Variants in PALS2 observed in about 807,000 individuals in gnomAD.
PALS2 encodes the protein protein PALS2.
A neutral mutation model predicts 61.6 loss-of-function variants in PALS2; 27 were observed. The ratio of observed to expected loss-of-function variants is 0.44; its 90% CI spans 0.32 to 0.60. The LOEUF is 0.60. PALS2 is among the 20% of genes least tolerant of loss of function. The pLI is 0.05. For synonymous variants in PALS2, 236 were observed against 218.6 expected, an observed-to-expected ratio of 1.08 and a Z score of -0.70; for missense variants, 554 against 639.4, an observed-to-expected ratio of 0.87 and a Z score of 1.44.
At chr7:24,667,123 G>A (rs143630018) in intron 8 of PALS2, 1 of 152,112 alleles carries the variant, frequency 6.6e-6, no homozygotes, top group African/African-American at 2.4e-5. Context: ...GCTAAGGAAG[G>A]AGTGTTATTA....
rs561055293 is a variant in PALS2, at chr7:24,679,444, T to C, written c.1317+111T>C. On this transcript the variant is annotated intron_variant, in intron 10 of 11. Coordinates refer to ENST00000222644, the MANE Select transcript of PALS2 (RefSeq NM_001303037.2). ...TGTTTGTTTTGTCAGGGTGGAAAGG[T>C]GACTCCCTCCATTACCTTTGGGTGA... The C allele has an allele frequency of 1.2e-5, 12 of 1,020,816 alleles. No individual in the cohort carries two copies. In the African/African-American group the frequency reaches 1.9e-4, roughly 17 times the overall value. The allele number at this position is 1,020,816 out of a possible 1,614,324, so 63.2% of individuals were successfully genotyped here.
At chr7:24,624,143 T>C (rs1342685381) in intron 2 of PALS2, 1 of 1,287,242 alleles carries the variant, frequency 7.8e-7, no homozygotes, top group Non-Finnish European at 1.0e-6. Context: ...TTAGACTGTG[T>C]ACCTACTTTT....
intron 5 of PALS2, among the ~76,000 whole-genome samples, chr7:24,655,756 G>C (rs1266518590): frequency 6.6e-6 from 1 of 151,332 alleles, no homozygotes; most frequent in African/African-American, 2.4e-5. Flanking sequence ...CACCGCCCGG[G>C]TTCAAGTAAT....
intron 8 of PALS2, among the ~76,000 whole-genome samples, chr7:24,666,296 G>C (rs1583977902): frequency 6.6e-6 from 1 of 152,132 alleles, no homozygotes; most frequent in East Asian, 1.9e-4. Flanking sequence ...TATTTTGTGA[G>C]TATAGTTTAC....
chr7:24,656,142 G>A (rs1221506967), intron 5 of PALS2, among the ~76,000 whole-genome samples: 1 of 152,158 alleles, frequency 6.6e-6, no homozygotes, highest in Non-Finnish European at 1.5e-5. Context: ...TGCAGATTCA[G>A]ATGGGCCTGG....
intron 5 of PALS2, among the ~76,000 whole-genome samples, chr7:24,662,895 C>A (rs111447724): frequency 6.6e-6 from 1 of 151,742 alleles, no homozygotes; most frequent in Non-Finnish European, 1.5e-5. Flanking sequence ...GCAAAATAGC[C>A]CAAATTTCGG....
At chr7:24,610,684 C>G (rs554329115) in intron 1 of PALS2, among the ~76,000 whole-genome samples, 2 of 152,228 alleles carry the variant, frequency 1.3e-5, no homozygotes, top group East Asian at 1.9e-4. Flanking sequence ...AAAATTTAAT[C>G]TTAAGAAAAT....
intron 1 of PALS2, among the ~76,000 whole-genome samples, chr7:24,608,041 G>T (rs1018924727): frequency 6.6e-6 from 1 of 151,998 alleles, no homozygotes; most frequent in Non-Finnish European, 1.5e-5. Context: ...ACATACATGT[G>T]TGTTTATATA....
At chr7:24,676,600 C>T (rs1323800228) in intron 9 of PALS2, among the ~76,000 whole-genome samples, 10 of 151,980 alleles carry the variant, frequency 6.6e-5, no homozygotes, top group Admixed American at 3.3e-4. Context: ...GTATGGCTAG[C>T]CAGTGGTCCC....
chr7:24,580,856 A>G (rs1002730020), intron 1 of PALS2, among the ~76,000 whole-genome samples: 1 of 152,176 alleles, frequency 6.6e-6, no homozygotes, highest in Non-Finnish European at 1.5e-5. Context: ...AGATACCACC[A>G]TGTTTCAAGG....
rs767518801 is a variant in PALS2, at chr7:24,680,403, A to G, written c.1329A>G (p.Val443=). ...ATTCTTTTACACAGGCACTGAAAGT[A>G]TTGAGGACATCAGAGTTTATGCCCT... The part of the protein sequence containing the change: ...ILDVNPQALK[V]LRTSEFMPYV... The change falls in exon 11 of 12, where the codon GTA becomes GTG. Residue 443 remains valine (V), a synonymous_variant. Coordinates refer to ENST00000222644, the MANE Select transcript of PALS2 (RefSeq NM_001303037.2). 16 of 1,612,456 alleles carry G rather than the reference A, an allele frequency of 9.9e-6. No homozygotes were observed. Among genetic ancestry groups the G allele is most frequent in the Middle Eastern group, 1.6e-4 (1 of 6,080 alleles).
chr7:24,620,566 C>T (rs1335924049), intron 1 of PALS2, among the ~76,000 whole-genome samples: 4 of 151,766 alleles, frequency 2.6e-5, no homozygotes, highest in Non-Finnish European at 5.9e-5. Flanking sequence ...CACTTTTCTA[C>T]TGACTTAAAC....
chr7:24,650,406 A>G, intron 4 of PALS2, 79 bp from the exon 5 acceptor site: 2 of 1,174,278 alleles, frequency 1.7e-6, no homozygotes, highest in Non-Finnish European at 2.4e-6. Context: ...TTTTAGAATT[A>G]TTTTCTTACA....
rs148608780 is a variant in PALS2 at position 24,635,137 on chromosome 7, T to C, written c.118-6579T>C. Among the ~76,000 whole-genome samples, 350 of 152,346 alleles carry C rather than the reference T, an allele frequency of 2.3e-3. 1 individual carries two copies. Among genetic ancestry groups the C allele is most frequent in the African/African-American group, 7.9e-3 (330 of 41,574 alleles). On this transcript the variant is annotated intron_variant, in intron 2 of 11. Coordinates refer to ENST00000222644, the MANE Select transcript of PALS2 (RefSeq NM_001303037.2). ...CTTAGGATTCCAGTAGGCATTGCAT[T>C]GAATCCGTAGTTCGTTCTGGGGAGT...
intron 9 of PALS2, among the ~76,000 whole-genome samples, chr7:24,676,778 G>T (rs566197957): frequency 2.1e-4 from 32 of 151,254 alleles, no homozygotes; most frequent in African/African-American, 7.9e-4. Context: ...GGTTACTGTA[G>T]CCTTGTAGTA....
At chr7:24,605,823 A>G (rs1485282364) in intron 1 of PALS2, among the ~76,000 whole-genome samples, 2 of 152,190 alleles carry the variant, frequency 1.3e-5, no homozygotes, top group African/African-American at 4.8e-5. Context: ...GCTATCAGCT[A>G]TGTATATGGA....
rs1362287348 is a variant in PALS2 at position 24,688,909 on chromosome 7, G to T, written c.*1295G>T. ...GCCCGCTGCAACCTCTGCCTCCTGG[G>T]TTCATGCGACTCTCGTGCCTCAGCC... On this transcript the variant is annotated 3_prime_UTR_variant, in exon 12 of 12. Transcript: ENST00000222644. The T allele has an allele frequency of 6.6e-6, 1 of 152,038 alleles. No homozygotes were observed. Among genetic ancestry groups the T allele is most frequent in the Non-Finnish European group, 1.5e-5 (1 of 68,022 alleles). 9.4% of individuals were successfully genotyped at this position (152,038 alleles called of 1,614,324 possible).
intron 9 of PALS2, among the ~76,000 whole-genome samples, chr7:24,673,382 C>CT (rs1787398692): frequency 6.6e-6 from 1 of 152,028 alleles, no homozygotes. Flanking sequence ...ATGTCATTGT[C>CT]TAGCTTTGAT....
chr7:24,607,573 ATG>A (rs1229570267), intron 1 of PALS2, among the ~76,000 whole-genome samples: 6 of 138,828 alleles, frequency 4.3e-5, no homozygotes, highest in East Asian at 3.4e-4. Flanking sequence ...ATATACATAT[ATG>A]TGTGTATATA....
Sources: gnomAD v4.1 joint callset for allele counts (sites outside exome capture counted in the v4.1 genomes callset) on GRCh38, gnomAD v4.1.1 for gene constraint, MANE v1.5 for transcripts, NCBI Gene and HGNC (gene_info 2026-07-23, HGNC 2026-07-21) for gene names.